The following NBAS variants were observed in gnomAD, a reference collection of about 807,000 sequenced individuals.
NBAS encodes the protein NAG/BC035112 fusion.
Under a neutral mutation model 302.5 loss-of-function variants are expected in NBAS, and 219 were observed. That is an observed-to-expected ratio of 0.72 (90% CI 0.65 to 0.81). The LOEUF (loss-of-function observed/expected upper bound fraction) is 0.81. Ranked by LOEUF, NBAS falls within the 30% of genes least tolerant of loss-of-function variation. The probability of loss-of-function intolerance (pLI) is 0.00; values close to 1 mark genes in which losing one functional copy is unlikely to be tolerated. For missense variants in NBAS, 2,932 were observed against 2,841.6 expected (o/e 1.03, Z -0.72); for synonymous variants, 1,118 against 1,021.6 (o/e 1.09, Z -1.80).
the NBAS span, among the ~76,000 whole-genome samples, chr2:14,856,246 G>T: frequency 6.6e-6 from 1 of 151,892 alleles, no homozygotes; most frequent in African/African-American, 2.4e-5. Context: ...CTGAACTTGG[G>T]GTGTCCCCTA....
intron 7 of NBAS, 79 bp downstream of exon 7, chr2:15,539,144 C>T (rs1663669188): frequency 6.4e-7 from 1 of 1,572,892 alleles, no homozygotes; most frequent in Non-Finnish European, 8.7e-7. Context: ...TTATCCCCCC[C>T]TTCACACTCT....
At chr2:15,191,266 A>T (rs1258343144) in intron 48 of NBAS, among the ~76,000 whole-genome samples, 2 of 152,204 alleles carry the variant, frequency 1.3e-5, no homozygotes, top group African/African-American at 4.8e-5. Flanking sequence ...ACCTGTATAC[A>T]TGCTACATTG....
At chr2:14,908,209 C>A in the NBAS span, among the ~76,000 whole-genome samples, 16 of 152,072 alleles carry the variant, frequency 1.1e-4, no homozygotes, top group Non-Finnish European at 2.9e-5. Flanking sequence ...TAAAAACACA[C>A]AAAATTAGCC....
chr2:15,379,032 G>A lies in NBAS; in HGVS notation c.3590+570C>T, dbSNP rs531745506. Among the ~76,000 whole-genome samples, 10 of 152,082 alleles carry A rather than the reference G, an allele frequency of 6.6e-5. 1 individual carries two copies. The South Asian group carries it at 1.3e-3, about 19-fold the overall frequency. On this transcript the variant is annotated intron_variant, in intron 30 of 51. Coordinates refer to ENST00000281513, the MANE Select transcript of NBAS (RefSeq NM_015909.4). ...GCTGCAATTGGGTATACCTAATTAC[G>A]AGAACTCAGGTCATGAACACACCTT... is the stretch of plus-strand genomic sequence containing the variant.
the NBAS span, among the ~76,000 whole-genome samples, chr2:14,912,259 A>AAGTGCTT: frequency 6.6e-6 from 1 of 152,218 alleles, no homozygotes. Flanking sequence ...TGTATTTGAA[A>AAGTGCTT]AGTGCTTAGA....
At chr2:15,550,270 C>A (rs1412166307) in intron 6 of NBAS, among the ~76,000 whole-genome samples, 2 of 152,160 alleles carry the variant, frequency 1.3e-5, no homozygotes, top group Non-Finnish European at 2.9e-5. Context: ...CCTCCTTGCT[C>A]TCTATTGATG....
At chr2:15,185,550 A>C (rs1558418761) in intron 50 of NBAS, among the ~76,000 whole-genome samples, 1 of 152,160 alleles carries the variant, frequency 6.6e-6, no homozygotes, top group African/African-American at 2.4e-5. Flanking sequence ...CCTGGGTATC[A>C]CAGACATGAT....
chr2:15,309,122 A>G, intron 39 of NBAS, 49 bp downstream of exon 39: 3 of 1,482,004 alleles, frequency 2.0e-6, no homozygotes, highest in Non-Finnish European at 2.8e-6. Flanking sequence ...CACAGCATAC[A>G]TTTTCCATTT....
At chr2:14,969,616 A>G in the NBAS span, among the ~76,000 whole-genome samples, 1 of 152,158 alleles carries the variant, frequency 6.6e-6, no homozygotes, top group Non-Finnish European at 1.5e-5. Flanking sequence ...ACCGCAGGTG[A>G]TCCGCCTGCC....
intron 47 of NBAS, among the ~76,000 whole-genome samples, chr2:15,220,958 C>A (rs912406305): frequency 7.2e-5 from 11 of 151,916 alleles, no homozygotes; most frequent in African/African-American, 2.7e-4. Flanking sequence ...TATCTTATGG[C>A]AATTTAAAAG....
the NBAS span, among the ~76,000 whole-genome samples, chr2:14,966,044 G>A: frequency 2.6e-5 from 4 of 152,134 alleles, no homozygotes; most frequent in East Asian, 3.9e-4. Flanking sequence ...AAGTGGCAAC[G>A]GAGGCAGAGG....
intron 48 of NBAS, among the ~76,000 whole-genome samples, chr2:15,212,678 G>C (rs1372951244): frequency 2.0e-5 from 3 of 152,098 alleles, no homozygotes; most frequent in Non-Finnish European, 4.4e-5. Flanking sequence ...TGAAGCATGG[G>C]GGGAGTTTCC....
chr2:14,779,827 T>G, the NBAS span, among the ~76,000 whole-genome samples: 1 of 152,218 alleles, frequency 6.6e-6, no homozygotes, highest in Non-Finnish European at 1.5e-5. Flanking sequence ...CTGCAAGAGT[T>G]TATTGTATAC....
the NBAS span, among the ~76,000 whole-genome samples, chr2:15,084,366 T>C: frequency 6.6e-6 from 1 of 152,188 alleles, no homozygotes; most frequent in African/African-American, 2.4e-5. Context: ...CCTGGCCCAG[T>C]TGCTTTTATT....
chr2:15,049,459 G>A, the NBAS span, among the ~76,000 whole-genome samples: 3 of 152,154 alleles, frequency 2.0e-5, no homozygotes, highest in Non-Finnish European at 1.5e-5. Context: ...CATCACCTGT[G>A]GGACCCCAGG....
chr2:15,482,792 CA>C (rs1384046754), intron 12 of NBAS, among the ~76,000 whole-genome samples: 1 of 151,682 alleles, frequency 6.6e-6, no homozygotes, highest in African/African-American at 2.4e-5. Flanking sequence ...ATTCCAAATT[CA>C]AGTTAGCAAG....
the NBAS span, among the ~76,000 whole-genome samples, chr2:14,885,013 T>A: frequency 0.092 from 13,947 of 152,218 alleles, 1,021 homozygotes; most frequent in African/African-American, 0.2. Flanking sequence ...GAGAAGAGGC[T>A]GAGTCCACAC....
chr2:15,192,678 C>T (rs889161724), intron 48 of NBAS, among the ~76,000 whole-genome samples: 8 of 152,090 alleles, frequency 5.3e-5, no homozygotes, highest in Non-Finnish European at 8.8e-5. Context: ...GCCTTTTCTT[C>T]CTGCAGGATA....
At chr2:14,854,632 C>T in the NBAS span, among the ~76,000 whole-genome samples, 1 of 152,178 alleles carries the variant, frequency 6.6e-6, no homozygotes, top group East Asian at 1.9e-4. Flanking sequence ...GGACCTGGGG[C>T]AGGGAAAACA....
Sources: gnomAD v4.1 joint callset for allele counts (sites outside exome capture counted in the v4.1 genomes callset) on GRCh38, gnomAD v4.1.1 for gene constraint, MANE v1.5 for transcripts, NCBI Gene and HGNC (gene_info 2026-07-23, HGNC 2026-07-21) for gene names.